HERC4: variants seen among roughly 807,000 people sequenced by gnomAD.
HERC4 encodes the protein HECT and RLD domain containing E3 ubiquitin protein ligase 4.
Under a neutral mutation model 124.3 loss-of-function variants are expected in HERC4, and 28 were observed. The observed-to-expected ratio is 0.23, with a 90% CI of 0.17 to 0.31. HERC4 has a LOEUF of 0.31. Ranked by LOEUF, HERC4 falls within the 10% of genes least tolerant of loss-of-function variation. HERC4 has a pLI of 1.00. For synonymous variants in HERC4, 407 were observed against 421.5 expected (o/e 0.97, Z 0.42); for missense variants, 713 against 1,229.3 (o/e 0.58, Z 6.28).
intron 8 of HERC4, among the ~76,000 whole-genome samples, chr10:68,018,244 A>G (rs1277526544): frequency 4.0e-5 from 6 of 151,750 alleles, no homozygotes; most frequent in Non-Finnish European, 7.4e-5. Flanking sequence ...AAAATCCATC[A>G]ATATGCCATG....
chr10:67,936,357 G>A (rs562156530), intron 21 of HERC4, 122 bp from the exon 22 acceptor site: 1 of 514,600 alleles, frequency 1.9e-6, no homozygotes, highest in Non-Finnish European at 3.2e-6. Flanking sequence ...ATAAAATTCT[G>A]CTACCATATA....
chr10:68,037,579 G>C (rs2039543832), intron 5 of HERC4, among the ~76,000 whole-genome samples: 1 of 152,150 alleles, frequency 6.6e-6, no homozygotes, highest in Admixed American at 6.5e-5. Context: ...GAGATTAAAT[G>C]AGATTGGGGA....
intron 15 of HERC4, among the ~76,000 whole-genome samples, chr10:67,967,869 A>G (rs1239908286): frequency 6.6e-6 from 1 of 151,480 alleles, no homozygotes; most frequent in Non-Finnish European, 1.5e-5. Context: ...AACTTTTATA[A>G]GAAAACTGGC....
intron 9 of HERC4, chr10:67,996,255 T>G (rs2036873490): frequency 9.4e-6 from 3 of 317,580 alleles, no homozygotes; most frequent in Non-Finnish European, 1.9e-5. Context: ...CTGGGCAGCC[T>G]TCTTCTTCTT....
At chr10:67,973,202 T>TAA (rs34490316) in intron 15 of HERC4, among the ~76,000 whole-genome samples, 2 of 149,200 alleles carry the variant, frequency 1.3e-5, no homozygotes, top group African/African-American at 2.5e-5. Context: ...GGAAAACATT[T>TAA]AAAAAAAAAA....
At chr10:68,056,091 A>C (rs1443055400) in intron 3 of HERC4, among the ~76,000 whole-genome samples, 1 of 152,138 alleles carries the variant, frequency 6.6e-6, no homozygotes, top group Admixed American at 6.6e-5. Context: ...ATGAACTGCT[A>C]AAATTAGTTG....
intron 23 of HERC4, among the ~76,000 whole-genome samples, chr10:67,931,100 C>T (rs548957402): frequency 6.6e-6 from 1 of 152,188 alleles, no homozygotes; most frequent in South Asian, 2.1e-4. Flanking sequence ...ATTCTCCTGC[C>T]TCAGCCTCTC....
intron 15 of HERC4, among the ~76,000 whole-genome samples, chr10:67,978,513 C>A (rs1248182676): frequency 6.6e-6 from 1 of 152,244 alleles, no homozygotes; most frequent in African/African-American, 2.4e-5. Context: ...CCAGACAGCA[C>A]CTCTGGAGTC....
chr10:68,071,461 CAG>C (rs2041570774), intron 3 of HERC4, among the ~76,000 whole-genome samples: 1 of 152,170 alleles, frequency 6.6e-6, no homozygotes, highest in African/African-American at 2.4e-5. Flanking sequence ...TAAAGTAATA[CAG>C]AGAGATGTTC....
At position 67,922,690 on chromosome 10, in the gene HERC4, CATA is replaced by C. The variant is rs1394187743; in HGVS notation, c.*238_*240del. 1.9e-4 allele frequency: 54 copies of C among 284,106 alleles called. No homozygotes were observed. Among genetic ancestry groups the C allele is most frequent in the Non-Finnish European group, 3.2e-4 (48 of 150,976 alleles). 17.6% of individuals were successfully genotyped at this position (284,106 alleles called of 1,614,324 possible). The stretch of plus-strand genomic sequence containing the variant: ...CATGTTAGTAAAACTTTAATGTATT[CATA>C]ATACTTGCTATGTTTATTAGAAGAT... On this transcript the variant is annotated 3_prime_UTR_variant, in exon 25 of 25. Coordinates refer to ENST00000373700, the MANE Select transcript of HERC4 (RefSeq NM_015601.4).
At chr10:67,981,904 G>A (rs796170655) in intron 15 of HERC4, among the ~76,000 whole-genome samples, 43 of 152,140 alleles carry the variant, frequency 2.8e-4, no homozygotes, top group African/African-American at 9.9e-4. Flanking sequence ...TCAGGCCACT[G>A]TACTTACTCC....
chr10:68,039,458 A>G (rs1345181619), intron 4 of HERC4: 1 of 1,550,998 alleles, frequency 6.4e-7, no homozygotes, highest in Non-Finnish European at 8.7e-7. Flanking sequence ...TTCTGACCAG[A>G]GAGTCGACAC....
intron 9 of HERC4, among the ~76,000 whole-genome samples, chr10:68,006,850 G>A (rs1247835596): frequency 6.6e-6 from 1 of 152,162 alleles, no homozygotes; most frequent in East Asian, 1.9e-4. Context: ...GCTGCCAGAT[G>A]TACTGGAGCC....
chr10:68,034,228 G>T, intron 5 of HERC4, 42 bp from the exon 6 acceptor site: 1 of 1,408,420 alleles, frequency 7.1e-7, no homozygotes, highest in Non-Finnish European at 9.9e-7. Flanking sequence ...TTTCTCACAT[G>T]CAAAAAATTT....
At chr10:68,067,397 C>A (rs757467336) in intron 3 of HERC4, among the ~76,000 whole-genome samples, 22 of 152,294 alleles carry the variant, frequency 1.4e-4, no homozygotes, top group Non-Finnish European at 2.8e-4. Context: ...CTATCATCCA[C>A]ATCTTTCTCT....
intron 16 of HERC4, chr10:67,965,883 T>C (rs1378214937): frequency 1.3e-5 from 2 of 152,246 alleles, no homozygotes; most frequent in Non-Finnish European, 2.9e-5. Context: ...ATCTAACTGC[T>C]TACCCATTTC....
chr10:67,971,280 T>C (rs988944685), intron 15 of HERC4, among the ~76,000 whole-genome samples: 3 of 152,118 alleles, frequency 2.0e-5, no homozygotes, highest in African/African-American at 7.2e-5. Context: ...CATTTCTTAA[T>C]TCATTTTATG....
At chr10:67,957,401 T>A (rs2034209569) in intron 16 of HERC4, among the ~76,000 whole-genome samples, 1 of 152,216 alleles carries the variant, frequency 6.6e-6, no homozygotes, top group Non-Finnish European at 1.5e-5. Flanking sequence ...TTGAGTATAA[T>A]GTCATTAGGG....
chr10:67,950,694 T>C (rs1023503502), intron 19 of HERC4, among the ~76,000 whole-genome samples: 1 of 152,236 alleles, frequency 6.6e-6, no homozygotes, highest in Non-Finnish European at 1.5e-5. Flanking sequence ...CTTTGGTGTT[T>C]GGATAGAATT....
Sources: allele counts gnomAD v4.1 joint callset (sites outside exome capture counted in the v4.1 genomes callset), GRCh38; gene constraint gnomAD v4.1.1; transcripts MANE v1.5; gene names NCBI Gene and HGNC (gene_info 2026-07-23, HGNC 2026-07-21).